The following MAST2 variants were observed in gnomAD, a reference collection of about 807,000 sequenced individuals.
MAST2 encodes the protein microtubule associated serine/threonine kinase 2, also known as microtubule-associated serine/threonine-protein kinase 2.
In MAST2, 70 loss-of-function variants were observed where a neutral mutation model predicts 147.4. The ratio of observed to expected loss-of-function variants is 0.47; its 90% CI spans 0.39 to 0.58. The LOEUF (loss-of-function observed/expected upper bound fraction) is 0.58. Ranked by LOEUF, MAST2 falls within the 20% of genes least tolerant of loss-of-function variation. MAST2 has a pLI of 0.00. For missense variants in MAST2, 2,080 were observed against 2,302.3 expected, an observed-to-expected ratio of 0.90 and a Z score of 1.98; for synonymous variants, 869 against 896.8, an observed-to-expected ratio of 0.97 and a Z score of 0.55.
chr1:45,886,543 A>G (rs1158668008), intron 4 of MAST2, among the ~76,000 whole-genome samples: 1 of 152,010 alleles, frequency 6.6e-6, no homozygotes, highest in Non-Finnish European at 1.5e-5. Context: ...TTAGAAAGCT[A>G]TTTCATATTT....
chr1:46,018,879 T>G (rs775557345), intron 10 of MAST2, among the ~76,000 whole-genome samples: 2 of 152,226 alleles, frequency 1.3e-5, no homozygotes, highest in African/African-American at 2.4e-5. Flanking sequence ...AGAACTGAGC[T>G]TATCTTTTCT....
chr1:46,028,442 A>C (rs1571273250), intron 17 of MAST2, among the ~76,000 whole-genome samples: 1 of 152,204 alleles, frequency 6.6e-6, no homozygotes, highest in East Asian at 1.9e-4. Context: ...CGGTCCCTGT[A>C]GTTGTTACAT....
intron 7 of MAST2, among the ~76,000 whole-genome samples, chr1:46,003,597 T>TA (rs1401263679): frequency 6.6e-6 from 1 of 151,994 alleles, no homozygotes; most frequent in Non-Finnish European, 1.5e-5. Context: ...TTCTCCTAAG[T>TA]AGACTGGGAC....
chr1:45,927,091 G>T (rs1654494631), intron 4 of MAST2, among the ~76,000 whole-genome samples: 1 of 152,166 alleles, frequency 6.6e-6, no homozygotes, highest in African/African-American at 2.4e-5. Flanking sequence ...ACAAAAACCA[G>T]CAAGTTTTTA....
intron 4 of MAST2, among the ~76,000 whole-genome samples, chr1:45,907,140 G>T (rs1650897074): frequency 6.6e-6 from 1 of 152,096 alleles, no homozygotes; most frequent in Admixed American, 6.6e-5. Flanking sequence ...TTCTCAGAAG[G>T]TATCTCTGTT....
chr1:45,977,121 C>T (rs1644192783), intron 5 of MAST2, among the ~76,000 whole-genome samples: 1 of 152,184 alleles, frequency 6.6e-6, no homozygotes, highest in East Asian at 1.9e-4. Flanking sequence ...AGAAAATCTG[C>T]ATGGCCTTAA....
chr1:45,968,527 A>G (rs1472428365), intron 5 of MAST2, among the ~76,000 whole-genome samples: 2 of 149,022 alleles, frequency 1.3e-5, no homozygotes, highest in Non-Finnish European at 3.0e-5. Flanking sequence ...TCACTCCACT[A>G]TCTTCTTGCT....
In MAST2 at chr1:46,031,442, C is replaced by A. The variant is rs779700824; in HGVS notation, c.3044C>A (p.Ala1015Asp). ...GTSQLAEGATAKAISDLAVRR... is the reference protein window; with the variant it reads ...GTSQLAEGATDKAISDLAVRR... ...TCACAGCTGGCTGAGGGAGCCACAG[C>A]CAAGGCCATCAGTGACCTGGCTGTG... Residue 1015 changes from alanine (A) to aspartate (D), a missense_variant, in exon 24 of 29, where the codon GCC (alanine) becomes GAC (aspartate). By Grantham distance (126) the Ala-to-Asp change is moderately radical. Transcript: ENST00000361297. This position sits in a 1 kb window ranked among gnomAD's most constrained non-coding sequence, Gnocchi z 4.1. 6.2e-7 allele frequency: 1 copy of A among 1,614,104 alleles called. No homozygotes were observed. Among genetic ancestry groups the A allele is most frequent in the South Asian group, 1.1e-5 (1 of 91,072 alleles).
chr1:45,844,819 G>C (rs1044261896), intron 3 of MAST2, among the ~76,000 whole-genome samples: 4 of 152,146 alleles, frequency 2.6e-5, no homozygotes, highest in African/African-American at 9.7e-5. Flanking sequence ...TGCTATGACA[G>C]AATACTCGAA....
intron 22 of MAST2, 35 bp from the exon 23 acceptor site, chr1:46,030,972 C>T (rs764529919): frequency 1.9e-6 from 3 of 1,601,194 alleles, no homozygotes; most frequent in Admixed American, 1.7e-5. Context: ...AGGGGGACCA[C>T]CTGGGTCACT....
At position 45,964,866 on chromosome 1, in the gene MAST2, A is replaced by T. The variant is rs183162969; in HGVS notation, c.592+5389A>T. 6.7e-3 allele frequency among the ~76,000 whole-genome samples: 1,009 copies of T among 151,656 alleles called. 12 individuals are homozygous for T. The highest frequency in any genetic ancestry group is 0.024 in the African/African-American group (975 of 41,328). ...CTCTTGTGGGCATTTAGTGCTATAA[A>T]TTTCCCTCTACGTACTGCTTTAAAT... On this transcript the variant is annotated intron_variant, in intron 5 of 28. Coordinates refer to ENST00000361297, the MANE Select transcript of MAST2 (RefSeq NM_015112.3).
Position 45,944,507 on chromosome 1 carries a change from G to A in MAST2, c.501-14879G>A, listed in dbSNP as rs552739056. Among the ~76,000 whole-genome samples, 104 of 152,082 alleles carry A rather than the reference G, an allele frequency of 6.8e-4. 2 individuals are homozygous for A. Among genetic ancestry groups the A allele is most frequent in the Admixed American group, 1.6e-3 (25 of 15,274 alleles). The stretch of plus-strand genomic sequence containing the variant: ...TTTGCAACTTTTTGTTTTCCTGAGG[G>A]TAATAATGGTCTCACTTTTGCATTG... On this transcript the variant is annotated intron_variant, in intron 4 of 28. Coordinates refer to ENST00000361297, the MANE Select transcript of MAST2 (RefSeq NM_015112.3).
chr1:46,015,553 G>A (rs1021464554), intron 10 of MAST2, among the ~76,000 whole-genome samples: 7 of 152,140 alleles, frequency 4.6e-5, no homozygotes, highest in Admixed American at 6.6e-5. Context: ...ACATCTCTAC[G>A]CAAATAAACT....
chr1:45,819,475 C>CA (rs1056281086), intron 1 of MAST2, among the ~76,000 whole-genome samples: 1 of 151,964 alleles, frequency 6.6e-6, no homozygotes, highest in Non-Finnish European at 1.5e-5. Flanking sequence ...AAGACTTCAC[C>CA]AAAAAACTAT....
intron 4 of MAST2, among the ~76,000 whole-genome samples, chr1:45,931,183 C>T (rs1655228841): frequency 6.6e-6 from 1 of 152,162 alleles, no homozygotes; most frequent in Non-Finnish European, 1.5e-5. Flanking sequence ...TGTTATTCGT[C>T]TTCTATCTCC....
rs376621515 is a variant in MAST2 at position 45,966,712 on chromosome 1, ACT to A, written c.592+7238_592+7239del. 9.5e-4 allele frequency among the ~76,000 whole-genome samples: 145 copies of A among 151,974 alleles called. 3 individuals are homozygous for A. Among genetic ancestry groups the A allele is most frequent in the African/African-American group, 3.3e-3 (136 of 41,468 alleles). On this transcript the variant is annotated intron_variant, in intron 5 of 28. Transcript: ENST00000361297. ...ACTCCAGCCTGGGCAAAAGAGTGAG[ACT>A]CTGTCTCAGAAAAAGAAAAAGAAAA... is the stretch of plus-strand genomic sequence containing the variant.
At chr1:45,929,217 GT>G (rs559242414) in intron 4 of MAST2, among the ~76,000 whole-genome samples, 7 of 151,176 alleles carry the variant, frequency 4.6e-5, no homozygotes, top group Non-Finnish European at 7.4e-5. Flanking sequence ...CTCATTATCT[GT>G]TTTTTTTTAC....
At chr1:45,941,664 A>T (rs1441508026) in intron 4 of MAST2, among the ~76,000 whole-genome samples, 1 of 51,162 alleles carries the variant, frequency 2.0e-5, no homozygotes, top group Non-Finnish European at 3.8e-5. Context: ...TTATTTGTTT[A>T]TTCCTATTTG....
At position 46,031,959 on chromosome 1, in the gene MAST2, C is replaced by T. The variant is rs1646688639; in HGVS notation, c.3188-219C>T. Among the ~76,000 whole-genome samples the T allele has an allele frequency of 6.6e-6, 1 of 152,156 alleles. No individual in the cohort carries two copies. The highest frequency in any genetic ancestry group is 2.4e-5 in the African/African-American group (1 of 41,416). The stretch of plus-strand genomic sequence containing the variant: ...AATATATATGACAAGCTTATATAGT[C>T]CCTGATACACACATAAATGCTAGCT... On this transcript the variant is annotated intron_variant, in intron 24 of 28. Transcript: ENST00000361297. This position sits in a 1 kb window ranked among gnomAD's most constrained non-coding sequence, Gnocchi z 4.1.
Sources: allele counts gnomAD v4.1 joint callset (sites outside exome capture counted in the v4.1 genomes callset), GRCh38; gene constraint gnomAD v4.1.1; non-coding constraint Gnocchi (gnomAD v3.1); transcripts MANE v1.5; gene names NCBI Gene and HGNC (gene_info 2026-07-23, HGNC 2026-07-21).